FHIT: variants seen among roughly 807,000 people sequenced by gnomAD.
The protein encoded by FHIT is bis(5'-adenosyl)-triphosphatase.
FHIT carries 19 observed loss-of-function variants against 17.9 expected under a neutral mutation model. The ratio of observed to expected loss-of-function variants is 1.06; its 90% CI spans 0.74 to 1.56. FHIT has a LOEUF of 1.56. FHIT is among the 40% of genes most tolerant of loss of function. The pLI, the probability that FHIT is intolerant of heterozygous loss-of-function variation, is 0.00. For synonymous variants in FHIT, 81 were observed against 69.7 expected, an observed-to-expected ratio of 1.16 and a Z score of -0.81; for missense variants, 248 against 189.2, an observed-to-expected ratio of 1.31 and a Z score of -1.82.
At chr3:59,979,147 G>A (rs962218206) in intron 7 of FHIT, among the ~76,000 whole-genome samples, 1 of 152,088 alleles carries the variant, frequency 6.6e-6, no homozygotes, top group African/African-American at 2.4e-5. Context: ...GTCACACTGA[G>A]GCTGAGAGAG....
intron 5 of FHIT, among the ~76,000 whole-genome samples, chr3:60,493,894 A>G (rs1232856171): frequency 5.3e-5 from 8 of 152,204 alleles, no homozygotes; most frequent in Non-Finnish European, 1.2e-4. Flanking sequence ...ACCAGAAGCT[A>G]AATATGAATA....
intron 4 of FHIT, among the ~76,000 whole-genome samples, chr3:60,723,295 T>C (rs1384470991): frequency 6.6e-6 from 1 of 152,184 alleles, no homozygotes; most frequent in African/African-American, 2.4e-5. Flanking sequence ...GGCCTATCCT[T>C]AGAAGGCCTG....
intron 3 of FHIT, among the ~76,000 whole-genome samples, chr3:60,852,133 A>C (rs1444788050): frequency 6.6e-6 from 1 of 152,056 alleles, no homozygotes; most frequent in Non-Finnish European, 1.5e-5. Flanking sequence ...GATTAGGACA[A>C]AAAAAAGCTG....
At chr3:60,798,986 T>C (rs149294295) in intron 4 of FHIT, among the ~76,000 whole-genome samples, 2,569 of 152,048 alleles carry the variant, frequency 0.017, 32 homozygotes, top group Non-Finnish European at 0.03. Context: ...GGATTACAGG[T>C]GTACTGTACC....
chr3:60,405,874 G>T (rs1701837232), intron 5 of FHIT, among the ~76,000 whole-genome samples: 1 of 152,150 alleles, frequency 6.6e-6, no homozygotes, highest in South Asian at 2.1e-4. Context: ...TTTGTTGTCT[G>T]CAGCTAAAAA....
At chr3:60,576,762 T>G (rs1442280295) in intron 4 of FHIT, among the ~76,000 whole-genome samples, 3 of 152,054 alleles carry the variant, frequency 2.0e-5, no homozygotes, top group Admixed American at 6.6e-5. Context: ...GGGAATAGAT[T>G]TAAAATAGAA....
At chr3:59,840,490 C>T (rs886306870) in intron 8 of FHIT, among the ~76,000 whole-genome samples, 14 of 152,028 alleles carry the variant, frequency 9.2e-5, no homozygotes, top group Non-Finnish European at 1.9e-4. Flanking sequence ...TATCTTTAAC[C>T]CATTGTAAAG....
At chr3:59,884,929 G>A (rs936635792) in intron 8 of FHIT, among the ~76,000 whole-genome samples, 2 of 152,178 alleles carry the variant, frequency 1.3e-5, no homozygotes, top group African/African-American at 2.4e-5. Context: ...GTTTATAACT[G>A]TAACATTTAA....
chr3:59,797,437 T>C (rs1187728195), intron 8 of FHIT, among the ~76,000 whole-genome samples: 1 of 152,232 alleles, frequency 6.6e-6, no homozygotes, highest in African/African-American at 2.4e-5. Context: ...TCCGACCACC[T>C]TGGCCTCCCA....
chr3:60,792,376 A>C (rs781884725), intron 4 of FHIT, among the ~76,000 whole-genome samples: 1 of 152,210 alleles, frequency 6.6e-6, no homozygotes, highest in Non-Finnish European at 1.5e-5. Flanking sequence ...ACACAGAGAG[A>C]ATATGTTACA....
chr3:60,617,174 TA>T, intron 4 of FHIT: 1 of 206,712 alleles, frequency 4.8e-6, no homozygotes, highest in East Asian at 1.2e-4. Context: ...TCAAAATAAC[TA>T]AAAGCTATAA....
At chr3:60,257,668 G>A (rs1452640130) in intron 5 of FHIT, among the ~76,000 whole-genome samples, 1 of 152,168 alleles carries the variant, frequency 6.6e-6, no homozygotes, top group Non-Finnish European at 1.5e-5. Flanking sequence ...GCTACAAGCA[G>A]AAATTTCTTT....
chr3:60,653,702 T>C (rs769343598), intron 4 of FHIT, among the ~76,000 whole-genome samples: 47 of 151,708 alleles, frequency 3.1e-4, no homozygotes, highest in South Asian at 2.3e-3. Context: ...AAAATAAGAA[T>C]CAGAGTAGCA....
chr3:59,841,797 C>CT (rs1701543454), intron 8 of FHIT, among the ~76,000 whole-genome samples: 1 of 152,022 alleles, frequency 6.6e-6, no homozygotes, highest in African/African-American at 2.4e-5. Flanking sequence ...TAAAGAAAAC[C>CT]AATCGTGCAT....
At chr3:60,173,303 G>A (rs1282094979) in intron 5 of FHIT, among the ~76,000 whole-genome samples, 1 of 152,084 alleles carries the variant, frequency 6.6e-6, no homozygotes, top group Non-Finnish European at 1.5e-5. Flanking sequence ...AACCTCACTT[G>A]GCCTTCTATT....
intron 7 of FHIT, among the ~76,000 whole-genome samples, chr3:59,992,162 C>A (rs1353468774): frequency 6.6e-6 from 1 of 152,014 alleles, no homozygotes; most frequent in East Asian, 1.9e-4. Context: ...AAGACTCTTT[C>A]CCCTACTACT....
intron 5 of FHIT, among the ~76,000 whole-genome samples, chr3:60,159,227 C>T (rs191769663): frequency 1.2e-4 from 19 of 152,162 alleles, no homozygotes; most frequent in Admixed American, 1.2e-3. Context: ...CTCAGATGAT[C>T]CTCCTGCCTC....
chr3:60,555,961 G>A (rs1168728936), intron 4 of FHIT, among the ~76,000 whole-genome samples: 1 of 152,180 alleles, frequency 6.6e-6, no homozygotes, highest in Non-Finnish European at 1.5e-5. Context: ...GCTTTCCTGT[G>A]TGGTCATGCT....
chr3:60,716,269 A>C (rs2041680563), intron 4 of FHIT, among the ~76,000 whole-genome samples: 1 of 152,090 alleles, frequency 6.6e-6, no homozygotes, highest in African/African-American at 2.4e-5. Flanking sequence ...ACACACTCAC[A>C]CACACACACA....
Sources: allele counts gnomAD v4.1 joint callset (sites outside exome capture counted in the v4.1 genomes callset), GRCh38; gene constraint gnomAD v4.1.1; transcripts MANE v1.5; gene names NCBI Gene and HGNC (gene_info 2026-07-23, HGNC 2026-07-21).